TSPYL4: variants seen among roughly 807,000 people sequenced by gnomAD.
The protein encoded by TSPYL4 is testis-specific Y-encoded-like protein 4.
TSPYL4 carries 22 observed loss-of-function variants against 24.2 expected under a neutral mutation model. The ratio of observed to expected loss-of-function variants is 0.91; its 90% confidence interval spans 0.65 to 1.30. The LOEUF (loss-of-function observed/expected upper bound fraction) is 1.30. Ranked by LOEUF, TSPYL4 falls within the 50% of genes most tolerant of loss-of-function variation. The probability of loss-of-function intolerance (pLI) is 0.00; values close to 1 mark genes in which losing one functional copy is unlikely to be tolerated. For missense variants in TSPYL4, 569 were observed against 536.7 expected, an observed-to-expected ratio of 1.06 and a Z score of -0.60; for synonymous variants, 211 against 208.2, an observed-to-expected ratio of 1.01 and a Z score of -0.12.
In TSPYL4 at chr6:116,253,659, C is replaced by T. The variant is rs1235970513; in HGVS notation, c.350G>A (p.Cys117Tyr). 7 of 1,556,042 alleles carry T rather than the reference C, an allele frequency of 4.5e-6. No individual in the cohort carries two copies. Among genetic ancestry groups the T allele is most frequent in the African/African-American group, 1.4e-5 (1 of 73,418 alleles). Residue 117 changes from cysteine to tyrosine, a missense_variant, in exon 1 of 1, where the codon TGT (cysteine) becomes TAT (tyrosine). Transcript: ENST00000420283. This position sits in a 1 kb window ranked among gnomAD's most constrained non-coding sequence, Gnocchi z 4.3. ...EAADSSQKNG[C>Y]QLGEPRGPAG... ...AGGGCCACGGGGCTCTCCAAGCTGACAGCCATTTTTCTGGCTGCTGTCAGC... is the reference window on the plus strand; with the variant it reads ...AGGGCCACGGGGCTCTCCAAGCTGATAGCCATTTTTCTGGCTGCTGTCAGC...
rs1302632725 is a variant in TSPYL4, at chr6:116,250,252, A to T, written c.*2512T>A. 1 of 152,678 alleles carries T rather than the reference A, an allele frequency of 6.5e-6. No individual in the cohort carries two copies. Among genetic ancestry groups the T allele is most frequent in the Non-Finnish European group, 1.5e-5 (1 of 68,042 alleles). The allele number at this position is 152,678 out of a possible 1,614,324, so 9.5% of individuals were successfully genotyped here. A position where few individuals can be genotyped will look rare whatever the true frequency, so the allele number is the denominator to read the frequency against. On this transcript the variant is annotated 3_prime_UTR_variant, in exon 1 of 1. Transcript: ENST00000420283. The stretch of plus-strand genomic sequence containing the variant: ...ACTATTGAAAGATCACATTCAAATT[A>T]TATTTCTAAGAATAGAGCCATATAT...
Position 116,253,616 on chromosome 6 carries a change from T to C in TSPYL4, c.393A>G (p.Leu131=), listed in dbSNP as rs1772012485. Residue 131 remains leucine (L), a synonymous_variant, in exon 1 of 1, where the codon CTA becomes CTG. Coordinates refer to ENST00000420283, the MANE Select transcript of TSPYL4 (RefSeq NM_021648.5). The surrounding 1 kb of genome is among the most constrained non-coding windows in gnomAD (Gnocchi z 4.3). ...CCAAGCCCCCTGCGCCACAGGCTTCTAGAGCCTTCTGCCCAGCAGGGCCAC... is the reference window on the plus strand; with the variant it reads ...CCAAGCCCCCTGCGCCACAGGCTTCCAGAGCCTTCTGCCCAGCAGGGCCAC... The part of the protein sequence containing the change: ...EPRGPAGQKA[L]EACGAGGLGS... 1 of 1,553,386 alleles carries C rather than the reference T, an allele frequency of 6.4e-7. No homozygotes were observed. The highest frequency in any genetic ancestry group is 8.7e-7 in the Non-Finnish European group (1 of 1,147,588).
rs1772005148 is a variant in TSPYL4, at chr6:116,253,497, G to A, written c.512C>T (p.Ala171Val). The A allele has an allele frequency of 6.4e-7, 1 of 1,551,148 alleles. No homozygotes were observed. The highest frequency in any genetic ancestry group is 8.7e-7 in the Non-Finnish European group (1 of 1,146,904). ...CACTACCTTCTTTTCCTCCATCGCC[G>A]CCCCTGCTTCTCCCTCCTTTTCCAC... is the stretch of plus-strand genomic sequence containing the variant. ...AAVEKEGEAG[A>V]AMEEKKVVQK... Residue 171 changes from alanine (A) to valine (V), a missense_variant, in exon 1 of 1, where the codon GCG becomes GTG. Coordinates refer to ENST00000420283, the MANE Select transcript of TSPYL4 (RefSeq NM_021648.5). The surrounding 1 kb of genome is among the most constrained non-coding windows in gnomAD (Gnocchi z 4.3).
chr6:116,253,810 C>T lies in TSPYL4; in HGVS notation c.199G>A (p.Val67Ile). Reference sequence around the variant, plus strand: ...ACGCGGAGCGCGGGGCCACAGTCGACAGGATCCTGGGATGCACCCCCCTCC... The same window carrying T: ...ACGCGGAGCGCGGGGCCACAGTCGATAGGATCCTGGGATGCACCCCCCTCC... Reference protein sequence around the residue: ...VAEGGASQDPVDCGPALRVPV... With the variant: ...VAEGGASQDPIDCGPALRVPV... The change falls in exon 1 of 1, where the codon GTC becomes ATC. Residue 67 changes from valine (V) to isoleucine (I), a missense_variant. By Grantham distance (29) the Val-to-Ile change is conservative. Transcript: ENST00000420283. This position sits in a 1 kb window ranked among gnomAD's most constrained non-coding sequence, Gnocchi z 4.3. The T allele has an allele frequency of 6.2e-7, 1 of 1,607,992 alleles. No individual in the cohort carries two copies. The highest frequency in any genetic ancestry group is 8.5e-7 in the Non-Finnish European group (1 of 1,177,082).
In TSPYL4 at chr6:116,252,734, C is replaced by CT; in HGVS notation, c.*29dup. 3 of 1,537,044 alleles carry CT rather than the reference C, an allele frequency of 2.0e-6. No individual in the cohort carries two copies. ...GGTCCAAGAGGAGGTGGTAAGGAAA[C>CT]TTGTGCAGAAGCTTCTCACAGGACA... On this transcript the variant is annotated 3_prime_UTR_variant, in exon 1 of 1. Transcript: ENST00000420283.
Position 116,250,148 on chromosome 6 carries a change from T to C in TSPYL4, c.*2616A>G, listed in dbSNP as rs149583046. On this transcript the variant is annotated 3_prime_UTR_variant, in exon 1 of 1. Coordinates refer to ENST00000420283, the MANE Select transcript of TSPYL4 (RefSeq NM_021648.5). The stretch of plus-strand genomic sequence containing the variant: ...AAGTACATTACTAGGGCAAGAAATA[T>C]CAAGTAAGACAACAGAGTCGTATTT... 2.6e-4 allele frequency: 39 copies of C among 152,340 alleles called. No individual in the cohort carries two copies. The East Asian group carries it at 5.0e-3, about 20-fold the overall frequency. The allele number at this position is 152,340 out of a possible 1,614,324, so 9.4% of individuals were successfully genotyped here.
Position 116,253,683 on chromosome 6 carries a change from G to A in TSPYL4, c.326C>T (p.Ala109Val). Reference sequence around the variant, plus strand: ...ACAGCCATTTTTCTGGCTGCTGTCAGCAGCCTCGGCGGCAGAGGCTGCTTC... The same window carrying A: ...ACAGCCATTTTTCTGGCTGCTGTCAACAGCCTCGGCGGCAGAGGCTGCTTC... ...GLEAASAAEAADSSQKNGCQL... is the reference protein window; with the variant it reads ...GLEAASAAEAVDSSQKNGCQL... The change falls in exon 1 of 1, where the codon GCT (alanine) becomes GTT (valine). Residue 109 changes from alanine (A) to valine (V), a missense_variant. Transcript: ENST00000420283. This position sits in a 1 kb window ranked among gnomAD's most constrained non-coding sequence, Gnocchi z 4.3. The A allele has an allele frequency of 6.4e-7, 1 of 1,558,994 alleles. No individual in the cohort carries two copies. The highest frequency in any genetic ancestry group is 1.4e-5 in the African/African-American group (1 of 73,692).
Position 116,253,316 on chromosome 6 carries a change from C to A in TSPYL4, c.693G>T (p.Lys231Asn). ...ADRAFLQLER[K>N]FGRMRRLHMQ... Reference sequence around the variant, plus strand: ...TGTGGAGCCTTCGCATGCGGCCAAACTTGCGCTCAAGCTGAAGGAAGGCCC... The same window carrying A: ...TGTGGAGCCTTCGCATGCGGCCAAAATTGCGCTCAAGCTGAAGGAAGGCCC... Residue 231 changes from lysine to asparagine, a missense_variant, in exon 1 of 1, where the codon AAG (lysine) becomes AAT (asparagine). Transcript: ENST00000420283. The surrounding 1 kb of genome is among the most constrained non-coding windows in gnomAD (Gnocchi z 4.3). 1 of 1,583,154 alleles carries A rather than the reference C, an allele frequency of 6.3e-7. No homozygotes were observed. The highest frequency in any genetic ancestry group is 2.3e-5 in the East Asian group (1 of 43,340).
chr6:116,252,708 A>T lies in TSPYL4; in HGVS notation c.*56T>A. 1 of 1,484,212 alleles carries T rather than the reference A, an allele frequency of 6.7e-7. No individual in the cohort carries two copies. Among genetic ancestry groups the T allele is most frequent in the Non-Finnish European group, 9.0e-7 (1 of 1,115,240 alleles). 91.9% of individuals were successfully genotyped at this position (1,484,212 alleles called of 1,614,324 possible). On this transcript the variant is annotated 3_prime_UTR_variant, in exon 1 of 1. Coordinates refer to ENST00000420283, the MANE Select transcript of TSPYL4 (RefSeq NM_021648.5). The stretch of plus-strand genomic sequence containing the variant: ...AGACTGCATGCTGTTGGCCAAGCAT[A>T]GGTCCAAGAGGAGGTGGTAAGGAAA...
Position 116,253,687 on chromosome 6 carries a change from C to A in TSPYL4, c.322G>T (p.Ala108Ser). The A allele has an allele frequency of 6.4e-7, 1 of 1,559,370 alleles. No individual in the cohort carries two copies. Among genetic ancestry groups the A allele is most frequent in the South Asian group, 1.2e-5 (1 of 85,034 alleles). Reference protein sequence around the residue: ...KGLEAASAAEAADSSQKNGCQ... With the variant: ...KGLEAASAAESADSSQKNGCQ... ...CCATTTTTCTGGCTGCTGTCAGCAGCCTCGGCGGCAGAGGCTGCTTCCAGA... is the reference window on the plus strand; with the variant it reads ...CCATTTTTCTGGCTGCTGTCAGCAGACTCGGCGGCAGAGGCTGCTTCCAGA... Residue 108 changes from alanine to serine, a missense_variant, in exon 1 of 1, where the codon GCT (alanine) becomes TCT (serine). Transcript: ENST00000420283. The surrounding 1 kb of genome is among the most constrained non-coding windows in gnomAD (Gnocchi z 4.3).
chr6:116,250,972 T>C lies in TSPYL4; in HGVS notation c.*1792A>G. ...AGATGCTGCACATCCCCTTATCCCC[T>C]ACAAGGAGGCTGGAGATCTTCCACA... On this transcript the variant is annotated 3_prime_UTR_variant, in exon 1 of 1. Coordinates refer to ENST00000420283, the MANE Select transcript of TSPYL4 (RefSeq NM_021648.5). The C allele has an allele frequency of 2.6e-6, 1 of 383,594 alleles. No homozygotes were observed. Among genetic ancestry groups the C allele is most frequent in the Non-Finnish European group, 4.6e-6 (1 of 217,312 alleles). 23.8% of individuals were successfully genotyped at this position (383,594 alleles called of 1,614,324 possible).
At position 116,252,414 on chromosome 6, in the gene TSPYL4, C is replaced by T; in HGVS notation, c.*350G>A. 4.3e-6 allele frequency: 1 copy of T among 234,228 alleles called. No individual in the cohort carries two copies. Among genetic ancestry groups the T allele is most frequent in the African/African-American group, 2.2e-5 (1 of 44,618 alleles). 14.5% of individuals were successfully genotyped at this position (234,228 alleles called of 1,614,324 possible). ...ATCAAGATTCTTTGTGGTACAGAAC[C>T]ACTTAAATTGGGAGAAGAGCATGGT... On this transcript the variant is annotated 3_prime_UTR_variant, in exon 1 of 1. Coordinates refer to ENST00000420283, the MANE Select transcript of TSPYL4 (RefSeq NM_021648.5).
At position 116,250,728 on chromosome 6, in the gene TSPYL4, A is replaced by C; in HGVS notation, c.*2036T>G. Reference sequence around the variant, plus strand: ...TCCAAACCCACGCCACAGCAGGCTCATTCCTGCTCTGGACTTTTACTCAGT... The same window carrying C: ...TCCAAACCCACGCCACAGCAGGCTCCTTCCTGCTCTGGACTTTTACTCAGT... On this transcript the variant is annotated 3_prime_UTR_variant, in exon 1 of 1. Coordinates refer to ENST00000420283, the MANE Select transcript of TSPYL4 (RefSeq NM_021648.5). 1 of 152,644 alleles carries C rather than the reference A, an allele frequency of 6.6e-6. No homozygotes were observed. The highest frequency in any genetic ancestry group is 2.4e-5 in the African/African-American group (1 of 41,452). 9.5% of individuals were successfully genotyped at this position (152,644 alleles called of 1,614,324 possible).
In TSPYL4 at chr6:116,253,567, T is replaced by C; in HGVS notation, c.442A>G (p.Lys148Glu). Reference protein sequence around the residue: ...GLGSQMIPGKKAKEVTTKKRA... With the variant: ...GLGSQMIPGKEAKEVTTKKRA... ...TTTTTAGTCGTCACTTCCTTGGCCT[T>C]CTTCCCCGGTATCATCTGAGACCCC... Residue 148 changes from lysine (K) to glutamate (E), a missense_variant, in exon 1 of 1, where the codon AAG (lysine) becomes GAG (glutamate). By Grantham distance (56) the Lys-to-Glu change is moderately conservative. Transcript: ENST00000420283. The surrounding 1 kb of genome is among the most constrained non-coding windows in gnomAD (Gnocchi z 4.3). 6.4e-7 allele frequency: 1 copy of C among 1,551,992 alleles called. No homozygotes were observed. Among genetic ancestry groups the C allele is most frequent in the Non-Finnish European group, 8.7e-7 (1 of 1,147,064 alleles).
In TSPYL4 at chr6:116,252,488, A is replaced by G; in HGVS notation, c.*276T>C. 2.4e-6 allele frequency: 1 copy of G among 419,804 alleles called. No individual in the cohort carries two copies. The highest frequency in any genetic ancestry group is 3.8e-5 in the East Asian group (1 of 26,260). 26.0% of individuals were successfully genotyped at this position (419,804 alleles called of 1,614,324 possible). A position where few individuals can be genotyped will look rare whatever the true frequency, so the allele number is the denominator to read the frequency against. ...AAAGAAAGGCAGTATGGTACACTAT[A>G]TCTATAGTATCATACGCTTGGCATA... On this transcript the variant is annotated 3_prime_UTR_variant, in exon 1 of 1. Coordinates refer to ENST00000420283, the MANE Select transcript of TSPYL4 (RefSeq NM_021648.5).
In TSPYL4 at chr6:116,253,648, CTCCAAGCTG is replaced by C; in HGVS notation, c.352_360del (p.Gln118_Gly120del). 2 of 1,554,720 alleles carry C rather than the reference CTCCAAGCTG, an allele frequency of 1.3e-6. No homozygotes were observed. Among genetic ancestry groups the C allele is most frequent in the Non-Finnish European group, 1.7e-6 (2 of 1,147,656 alleles). On this transcript the variant is annotated inframe_deletion, in exon 1 of 1. Coordinates refer to ENST00000420283, the MANE Select transcript of TSPYL4 (RefSeq NM_021648.5). The surrounding 1 kb of genome is among the most constrained non-coding windows in gnomAD (Gnocchi z 4.3). The stretch of plus-strand genomic sequence containing the variant: ...TTCTGCCCAGCAGGGCCACGGGGCT[CTCCAAGCTG>C]ACAGCCATTTTTCTGGCTGCTGTCA...
Position 116,253,892 on chromosome 6 carries a change from T to C in TSPYL4, c.117A>G (p.Glu39=), listed in dbSNP as rs368916895. The change falls in exon 1 of 1, where the codon GAA becomes GAG. Residue 39 remains glutamate (E), a synonymous_variant. Transcript: ENST00000420283. This position sits in a 1 kb window ranked among gnomAD's most constrained non-coding sequence, Gnocchi z 4.3. ...DRDQCQGLRE[E]TEATQVMANT... Reference sequence around the variant, plus strand: ...TCGCCATCACCTGTGTCGCCTCGGTTTCTTCACGGAGCCCTTGGCACTGGT... The same window carrying C: ...TCGCCATCACCTGTGTCGCCTCGGTCTCTTCACGGAGCCCTTGGCACTGGT... 14 of 1,613,870 alleles carry C rather than the reference T, an allele frequency of 8.7e-6. No individual in the cohort carries two copies. The East Asian group carries it at 2.9e-4, about 33-fold the overall frequency.
At position 116,252,854 on chromosome 6, in the gene TSPYL4, G is replaced by T. The variant is rs1466983111; in HGVS notation, c.1155C>A (p.Tyr385Ter). ...CTCTACGGGGCCCTTCACCCATCAG[G>T]TAGTATTGTAGGGGATTGGGCCACA... ...GELWPNPLQYYLMGEGPRRGI... is the reference protein window; with the variant it reads ...GELWPNPLQY Residue 385 changes from tyrosine to a stop codon, truncating the protein, a stop_gained, in exon 1 of 1, where the codon TAC becomes TAA. Coordinates refer to ENST00000420283, the MANE Select transcript of TSPYL4 (RefSeq NM_021648.5). LOFTEE classifies it high-confidence loss of function. The T allele has an allele frequency of 3.1e-6, 5 of 1,601,874 alleles. No individual in the cohort carries two copies. The highest frequency in any genetic ancestry group is 4.3e-6 in the Non-Finnish European group (5 of 1,173,666).
chr6:116,251,519 C>A lies in TSPYL4; in HGVS notation c.*1245G>T. ...AGATCTGGAGCCCATTTAATCATAA[C>A]CTTTCTCTCTGAACACAATCAGGGA... On this transcript the variant is annotated 3_prime_UTR_variant, in exon 1 of 1. Coordinates refer to ENST00000420283, the MANE Select transcript of TSPYL4 (RefSeq NM_021648.5). 1 of 341,218 alleles carries A rather than the reference C, an allele frequency of 2.9e-6. No homozygotes were observed. 21.1% of individuals were successfully genotyped at this position (341,218 alleles called of 1,614,324 possible).
Sources: allele counts gnomAD v4.1 joint callset, GRCh38; gene constraint gnomAD v4.1.1; non-coding constraint Gnocchi (gnomAD v3.1); transcripts MANE v1.5; gene names NCBI Gene and HGNC (gene_info 2026-07-23, HGNC 2026-07-21).